The following OSBPL5 variants were observed in gnomAD, a reference collection of about 807,000 sequenced individuals.
OSBPL5 encodes the protein oxysterol binding protein like 5.
Under a neutral mutation model 111.2 loss-of-function variants are expected in OSBPL5, and 71 were observed. The observed-to-expected ratio is 0.64, with a 90% CI of 0.53 to 0.78. The LOEUF (loss-of-function observed/expected upper bound fraction) is 0.78. Ranked by LOEUF, OSBPL5 falls within the 30% of genes least tolerant of loss-of-function variation. The pLI, the probability that OSBPL5 is intolerant of heterozygous loss-of-function variation, is 0.00. For missense variants in OSBPL5, 1,210 were observed against 1,189.3 expected (o/e 1.02, Z -0.26); for synonymous variants, 549 against 513.9 (o/e 1.07, Z -0.93).
Position 3,130,340 on chromosome 11 carries a change from A to G in OSBPL5, c.-21-1171T>C, listed in dbSNP as rs565163461. Among the ~76,000 whole-genome samples, 2 of 152,356 alleles carry G rather than the reference A, an allele frequency of 1.3e-5. No homozygotes were observed. The highest frequency in any genetic ancestry group is 1.3e-4 in the Admixed American group (2 of 15,310). ...GGGCTGCTTCCTGCTGCCTCAGGGC[A>G]GGCCAGTGGCATCCTGCCAAGCCCG... On this transcript the variant is annotated intron_variant, in intron 1 of 21. Coordinates refer to ENST00000263650, the MANE Select transcript of OSBPL5 (RefSeq NM_020896.4). The surrounding 1 kb of genome is among the most constrained non-coding windows in gnomAD (Gnocchi z 4.5).
Position 3,119,545 on chromosome 11 carries a change from A to G in OSBPL5, c.691+2T>C. On this transcript the variant is annotated splice_donor_variant, in intron 7 of 21. Coordinates refer to ENST00000263650, the MANE Select transcript of OSBPL5 (RefSeq NM_020896.4). LOFTEE classifies it high-confidence loss of function. ...GAGATGCGCAAGCTGGCAGGGACTC[A>G]CCATCTGACTCGGAGGCGGCCCTGA... The G allele has an allele frequency of 6.4e-7, 1 of 1,572,224 alleles. No individual in the cohort carries two copies. Among genetic ancestry groups the G allele is most frequent in the Non-Finnish European group, 8.6e-7 (1 of 1,164,018 alleles).
chr11:3,092,653 A>G lies in OSBPL5; in HGVS notation c.2133-95T>C. On this transcript the variant is annotated intron_variant, in intron 18 of 21. Transcript: ENST00000263650. This position sits in a 1 kb window ranked among gnomAD's most constrained non-coding sequence, Gnocchi z 5.4. ...TCTTCAGCCCCCCAACAGTGGCCAG[A>G]GACCTCCAGGAGAATGACCACTGCC... 7.0e-7 allele frequency: 1 copy of G among 1,435,854 alleles called. No individual in the cohort carries two copies. The highest frequency in any genetic ancestry group is 9.3e-7 in the Non-Finnish European group (1 of 1,076,934). 88.9% of individuals were successfully genotyped at this position (1,435,854 alleles called of 1,614,324 possible).
At chr11:3,101,270 T>G (rs1421928626) in intron 13 of OSBPL5, among the ~76,000 whole-genome samples, 17 of 322 alleles carry the variant, frequency 0.053, no homozygotes, top group Non-Finnish European at 0.019. Flanking sequence ...CCACCATGCT[T>G]TGACTAAGTT....
chr11:3,101,835 G>A, intron 12 of OSBPL5, 136 bp from the exon 13 acceptor site: 3 of 746,356 alleles, frequency 4.0e-6, no homozygotes, highest in Admixed American at 2.6e-5. Context: ...ATTCGGGTAG[G>A]GGCCTTCCTG....
chr11:3,141,867 G>C lies in OSBPL5; in HGVS notation c.-21-12698C>G, dbSNP rs1252097884. Among the ~76,000 whole-genome samples the C allele has an allele frequency of 6.6e-6, 1 of 151,256 alleles. No individual in the cohort carries two copies. Among genetic ancestry groups the C allele is most frequent in the Non-Finnish European group, 1.5e-5 (1 of 67,918 alleles). ...AAAAAGACTGCAAGAGTACAAATGCGCCATTTTCCCACTTTCTCTCCATGT... is the reference window on the plus strand; with the variant it reads ...AAAAAGACTGCAAGAGTACAAATGCCCCATTTTCCCACTTTCTCTCCATGT... On this transcript the variant is annotated intron_variant, in intron 1 of 21. Transcript: ENST00000263650. The surrounding 1 kb of genome is among the most constrained non-coding windows in gnomAD (Gnocchi z 6.5).
chr11:3,143,882 C>T (rs552806936), intron 1 of OSBPL5, among the ~76,000 whole-genome samples: 221 of 152,314 alleles, frequency 1.5e-3, no homozygotes, highest in Non-Finnish European at 1.8e-3. Context: ...GGAAGGCACC[C>T]GGGCTGCAGT....
chr11:3,103,269 C>G lies in OSBPL5; in HGVS notation c.1296G>C (p.Trp432Cys). 1 of 1,608,174 alleles carries G rather than the reference C, an allele frequency of 6.2e-7. No homozygotes were observed. The highest frequency in any genetic ancestry group is 8.5e-7 in the Non-Finnish European group (1 of 1,177,358). ...AYSRMKLVLR[W>C]YLSGFYKKPK... is the part of the protein sequence containing the mutation. ...GCTTCTTGTAGAAGCCAGACAGGTA[C>G]CACCGCAGCACCAGCTTCATGCGGC... Residue 432 changes from tryptophan (W) to cysteine (C), a missense_variant, in exon 11 of 22, where the codon TGG (tryptophan) becomes TGC (cysteine). Physicochemically the swap from Trp to Cys is radical, Grantham distance 215. Coordinates refer to ENST00000263650, the MANE Select transcript of OSBPL5 (RefSeq NM_020896.4).
At chr11:3,149,583 C>G (rs933598336) in intron 1 of OSBPL5, among the ~76,000 whole-genome samples, 1 of 152,258 alleles carries the variant, frequency 6.6e-6, no homozygotes, top group African/African-American at 2.4e-5. Flanking sequence ...GCAGCAGCAG[C>G]AGGTGCCCGC....
chr11:3,118,200 C>T (rs980250209), intron 7 of OSBPL5, among the ~76,000 whole-genome samples: 4 of 152,318 alleles, frequency 2.6e-5, no homozygotes, highest in Non-Finnish European at 4.4e-5. Context: ...CCCAAAATCA[C>T]GAAGCTAAAG....
intron 1 of OSBPL5, among the ~76,000 whole-genome samples, chr11:3,152,927 C>G (rs140978254): frequency 6.6e-6 from 1 of 152,192 alleles, no homozygotes; most frequent in Admixed American, 6.5e-5. Context: ...CGTCCGCTCC[C>G]GGTTTGCTCA....
chr11:3,152,218 T>C (rs892603388), intron 1 of OSBPL5, among the ~76,000 whole-genome samples: 14 of 152,168 alleles, frequency 9.2e-5, no homozygotes, highest in Non-Finnish European at 1.6e-4. Flanking sequence ...AAAGCTAACA[T>C]GTAGTCAGTG....
At chr11:3,134,158 T>TG (rs1288649557) in intron 1 of OSBPL5, among the ~76,000 whole-genome samples, 2 of 152,174 alleles carry the variant, frequency 1.3e-5, no homozygotes, top group African/African-American at 2.4e-5. Flanking sequence ...CTTCCATTCC[T>TG]GGGGGGCCTA....
intron 7 of OSBPL5, among the ~76,000 whole-genome samples, chr11:3,108,719 CA>C (rs996049731): frequency 2.0e-5 from 3 of 152,330 alleles, no homozygotes; most frequent in African/African-American, 7.2e-5. Flanking sequence ...CCCCCGCACT[CA>C]GAGGAGCATC....
chr11:3,153,289 T>TTAATCATTATCTTC (rs1846648009), intron 1 of OSBPL5, among the ~76,000 whole-genome samples: 1 of 152,232 alleles, frequency 6.6e-6, no homozygotes, highest in Non-Finnish European at 1.5e-5. Context: ...AAAATACATG[T>TTAATCATTATCTTC]TAATCATTAT....
At position 3,102,129 on chromosome 11, in the gene OSBPL5, G is replaced by C. The variant is rs955105008; in HGVS notation, c.1425+54C>G. On this transcript the variant is annotated intron_variant, in intron 12 of 21. Transcript: ENST00000263650. The stretch of plus-strand genomic sequence containing the variant: ...GCTGCCAGGGCCCCGCCCCCACAGA[G>C]CCCCGCCCCATAGAGCCCAGCACCC... The C allele has an allele frequency of 1.5e-5, 23 of 1,503,800 alleles. No homozygotes were observed. In the East Asian group the frequency reaches 5.6e-4, roughly 37 times the overall value. 93.2% of individuals were successfully genotyped at this position (1,503,800 alleles called of 1,614,324 possible).
intron 10 of OSBPL5, among the ~76,000 whole-genome samples, chr11:3,103,803 GCCCTCTTCCTGCCTGCGCAGC>G (rs1395181815): frequency 1.3e-3 from 54 of 42,798 alleles, no homozygotes; most frequent in Admixed American, 4.2e-3. Flanking sequence ...TGCCTCTGCA[GCCCTCTTCCTGCCTGCGCAGC>G]CCCCTTCCAG....
intron 20 of OSBPL5, among the ~76,000 whole-genome samples, 195 bp from the exon 21 acceptor site, chr11:3,090,143 C>T (rs371142695): frequency 6.6e-6 from 1 of 152,134 alleles, no homozygotes; most frequent in African/African-American, 2.4e-5. Flanking sequence ...GGAGGGAACC[C>T]CCAGGCTGGA....
chr11:3,143,061 G>A (rs1274377106), intron 1 of OSBPL5, among the ~76,000 whole-genome samples: 1 of 82,070 alleles, frequency 1.2e-5, no homozygotes, highest in Non-Finnish European at 2.6e-5. Flanking sequence ...GGTGCGGAGC[G>A]GGGCAGAGGA....
intron 17 of OSBPL5, 142 bp downstream of exon 17, chr11:3,093,385 T>A: frequency 7.7e-7 from 1 of 1,302,060 alleles, no homozygotes; most frequent in South Asian, 1.4e-5. Flanking sequence ...ACACGTGATC[T>A]GCCACCAGGG....
Sources: gnomAD v4.1 joint callset for allele counts (sites outside exome capture counted in the v4.1 genomes callset) on GRCh38, gnomAD v4.1.1 for gene constraint, Gnocchi (gnomAD v3.1) non-coding constraint, MANE v1.5 for transcripts, NCBI Gene and HGNC (gene_info 2026-07-23, HGNC 2026-07-21) for gene names.